Variants in SH3BP5 observed in about 807,000 individuals in gnomAD.
SH3BP5 encodes SH3 domain-binding protein 5.
In SH3BP5, 22 loss-of-function variants were observed where a neutral mutation model predicts 43.3. That is an observed-to-expected ratio of 0.51 (90% confidence interval 0.36 to 0.73). SH3BP5 has a LOEUF of 0.73. Ranked by LOEUF, SH3BP5 falls within the 30% of genes least tolerant of loss-of-function variation. SH3BP5 has a pLI of 0.00. For missense variants in SH3BP5, 529 were observed against 586.9 expected (o/e 0.90, Z 1.02); for synonymous variants, 255 against 225.8 (o/e 1.13, Z -1.16).
intron 2 of SH3BP5, 103 bp downstream of exon 2, chr3:15,330,401 G>A (rs937056409): frequency 1.2e-5 from 11 of 914,870 alleles, no homozygotes; most frequent in African/African-American, 3.3e-5. Context: ...CCCAAGGAGG[G>A]GGGTCCAGCA....
chr3:15,284,052 G>C (rs1228974562), intron 3 of SH3BP5, among the ~76,000 whole-genome samples: 2 of 152,184 alleles, frequency 1.3e-5, no homozygotes, highest in Admixed American at 6.5e-5. Flanking sequence ...GAGAGAAGAA[G>C]CACCAATGCA....
At chr3:15,294,328 T>TGCGC (rs528431186) in intron 3 of SH3BP5, among the ~76,000 whole-genome samples, 16 of 128,986 alleles carry the variant, frequency 1.2e-4, no homozygotes, top group Non-Finnish European at 2.1e-4. Flanking sequence ...TGTGTGTGTG[T>TGCGC]GTGCGCGCGC....
At chr3:15,299,299 C>A (rs1052758505) in intron 3 of SH3BP5, among the ~76,000 whole-genome samples, 7 of 152,106 alleles carry the variant, frequency 4.6e-5, no homozygotes, top group Non-Finnish European at 1.0e-4. Flanking sequence ...CAGTGCCCTG[C>A]CCCCAACCTG....
intron 3 of SH3BP5, chr3:15,273,509 G>T: frequency 1.9e-6 from 1 of 524,812 alleles, no homozygotes; most frequent in Non-Finnish European, 2.4e-6. Flanking sequence ...TCCTTCTCCT[G>T]TACAGTGACA....
intron 2 of SH3BP5, among the ~76,000 whole-genome samples, chr3:15,310,969 A>C (rs9873833): frequency 0.47 from 71,239 of 151,050 alleles, 17,822 homozygotes; most frequent in African/African-American, 0.66. Context: ...AGGATGAGTC[A>C]GTGTTTTCTG....
At chr3:15,269,666 C>T (rs372285667) in intron 4 of SH3BP5, 47 bp downstream of exon 4, 16 of 1,487,254 alleles carry the variant, frequency 1.1e-5, no homozygotes, top group East Asian at 4.9e-5. Flanking sequence ...GAAGCCAGCG[C>T]GCATGCACGC....
At chr3:15,276,513 A>G (rs1234751850) in intron 3 of SH3BP5, among the ~76,000 whole-genome samples, 1 of 152,158 alleles carries the variant, frequency 6.6e-6, no homozygotes, top group Non-Finnish European at 1.5e-5. Context: ...CCAGCAATAC[A>G]TGGCAAGAAC....
intron 3 of SH3BP5, among the ~76,000 whole-genome samples, chr3:15,300,577 C>G (rs541402479): frequency 6.6e-6 from 1 of 152,240 alleles, no homozygotes; most frequent in African/African-American, 2.4e-5. Context: ...GCCCCCCTCA[C>G]CATCAGGAAG....
intron 3 of SH3BP5, among the ~76,000 whole-genome samples, chr3:15,288,164 A>T (rs1697315857): frequency 6.6e-6 from 1 of 152,150 alleles, no homozygotes; most frequent in Non-Finnish European, 1.5e-5. Flanking sequence ...CTTTTGCTCT[A>T]TTCAGACCTT....
At chr3:15,257,165 C>T in intron 7 of SH3BP5, 52 bp from the exon 8 acceptor site, 1 of 1,576,606 alleles carries the variant, frequency 6.3e-7, no homozygotes, top group Non-Finnish European at 8.6e-7. Context: ...TCCTCAAACA[C>T]CACAAGTGCT....
intron 2 of SH3BP5, among the ~76,000 whole-genome samples, chr3:15,314,752 T>C (rs557269604): frequency 6.4e-4 from 97 of 152,346 alleles, no homozygotes; most frequent in African/African-American, 2.3e-3. Flanking sequence ...AAGAATATAC[T>C]AGGATCTTCA....
chr3:15,303,692 GAA>G (rs754583932), intron 3 of SH3BP5, among the ~76,000 whole-genome samples: 2 of 135,338 alleles, frequency 1.5e-5, no homozygotes, highest in African/African-American at 2.7e-5. Context: ...TCTTAAAAAG[GAA>G]AAAAAAAAAA....
intron 2 of SH3BP5, among the ~76,000 whole-genome samples, chr3:15,325,089 A>G (rs1269237100): frequency 1.3e-5 from 2 of 152,232 alleles, no homozygotes; most frequent in East Asian, 1.9e-4. Flanking sequence ...CAGAGCAAGC[A>G]CGGGAAATGA....
chr3:15,337,685 C>T (rs529402709), intron 1 of SH3BP5, among the ~76,000 whole-genome samples: 2 of 151,640 alleles, frequency 1.3e-5, no homozygotes, highest in Non-Finnish European at 2.9e-5. Flanking sequence ...GGAGGAGGAT[C>T]GCTTGAGGCC....
chr3:15,297,642 C>T (rs1697613105), intron 3 of SH3BP5, among the ~76,000 whole-genome samples: 1 of 152,134 alleles, frequency 6.6e-6, no homozygotes, highest in African/African-American at 2.4e-5. Flanking sequence ...ATGAAACAAG[C>T]AGAGGCTTGA....
intron 1 of SH3BP5, among the ~76,000 whole-genome samples, chr3:15,331,218 A>G (rs1431368728): frequency 1.3e-5 from 2 of 152,228 alleles, no homozygotes; most frequent in Non-Finnish European, 2.9e-5. Context: ...CCAGTAACAC[A>G]CGATTTATTC....
At chr3:15,285,647 A>G (rs1697245532) in intron 3 of SH3BP5, among the ~76,000 whole-genome samples, 1 of 152,260 alleles carries the variant, frequency 6.6e-6, no homozygotes, top group South Asian at 2.1e-4. Flanking sequence ...TCTCAACAAG[A>G]CTGCAAACTC....
intron 2 of SH3BP5, among the ~76,000 whole-genome samples, chr3:15,320,118 C>G (rs1170989617): frequency 3.9e-5 from 6 of 152,102 alleles, no homozygotes; most frequent in African/African-American, 1.4e-4. Flanking sequence ...ATGCTGGAAA[C>G]AAAAGGGTGT....
intron 1 of SH3BP5, 70 bp from the exon 2 acceptor site, chr3:15,330,636 A>G: frequency 7.1e-7 from 1 of 1,408,878 alleles, no homozygotes; most frequent in Non-Finnish European, 9.3e-7. Flanking sequence ...AACTCAGTCC[A>G]TAACCTGAAA....
Sources: allele counts gnomAD v4.1 joint callset (sites outside exome capture counted in the v4.1 genomes callset), GRCh38; gene constraint gnomAD v4.1.1; transcripts MANE v1.5; gene names NCBI Gene and HGNC (gene_info 2026-07-23, HGNC 2026-07-21).